The following COL7A1 variants were observed in gnomAD, a reference collection of about 807,000 sequenced individuals.
The protein encoded by COL7A1 is collagen alpha-1(VII) chain.
In COL7A1, 296 loss-of-function variants were observed where a neutral mutation model predicts 456.2. That is an observed-to-expected ratio of 0.65 (90% CI 0.59 to 0.71). The LOEUF (loss-of-function observed/expected upper bound fraction) is 0.71, where lower values mean the gene tolerates loss of function less well. COL7A1 is among the 30% of genes least tolerant of loss of function. The pLI, the probability that COL7A1 is intolerant of heterozygous loss-of-function variation, is 0.00. For synonymous variants in COL7A1, 1,464 were observed against 1,525.9 expected (o/e 0.96, Z 0.95); for missense variants, 3,441 against 4,017.2 (o/e 0.86, Z 3.88).
chr3:48,591,627 C>T lies in COL7A1; in HGVS notation c.1508-35G>A. 6.2e-7 allele frequency: 1 copy of T among 1,613,448 alleles called. No homozygotes were observed. The highest frequency in any genetic ancestry group is 1.1e-5 in the South Asian group (1 of 91,092). On this transcript the variant is annotated intron_variant, in intron 12 of 118. Transcript: ENST00000681320. This position sits in a 1 kb window ranked among gnomAD's most constrained non-coding sequence, Gnocchi z 7.0. ...AGCACAGCATAGAGGCAGCCTGGGG[C>T]TCCGACACCTCCCCCACTCACTGGC...
chr3:48,577,173 G>T (rs964737735), intron 65 of COL7A1, 146 bp from the exon 66 acceptor site: 1 of 1,126,190 alleles, frequency 8.9e-7, no homozygotes, highest in Non-Finnish European at 1.3e-6. Context: ...GCCTGTGGCC[G>T]TCTGAGTGAG....
In COL7A1 at chr3:48,568,219, CAA is replaced by C; in HGVS notation, c.7795-51_7795-50del. On this transcript the variant is annotated intron_variant, in intron 105 of 118. Transcript: ENST00000681320. The surrounding 1 kb of genome is among the most constrained non-coding windows in gnomAD (Gnocchi z 5.2). The stretch of plus-strand genomic sequence containing the variant: ...AGGTCAGAGGAGGTCAGTGAGGGAC[CAA>C]AGAGAATCGCCCTGGATAGTGGGTA... The C allele has an allele frequency of 6.3e-7, 1 of 1,590,498 alleles. No homozygotes were observed. Among genetic ancestry groups the C allele is most frequent in the Non-Finnish European group, 8.6e-7 (1 of 1,164,796 alleles).
rs749222993 is a variant in COL7A1, at chr3:48,590,464, C to A, written c.1901G>T (p.Gly634Val). The A allele has an allele frequency of 6.2e-7, 1 of 1,614,168 alleles. No individual in the cohort carries two copies. The highest frequency in any genetic ancestry group is 8.5e-7 in the Non-Finnish European group (1 of 1,180,030). The change falls in exon 15 of 119, where the codon GGC becomes GTC. Residue 634 changes from glycine (G) to valine (V), a missense_variant. Transcript: ENST00000681320. This position sits in a 1 kb window ranked among gnomAD's most constrained non-coding sequence, Gnocchi z 4.6. ...ASGFRISWST[G>V]SGPESSQTLP... ...CCCACACACCCCACACTGACCACTG[C>A]CTGTGCTCCAGCTAATCCGAAATCC...
At position 48,591,411 on chromosome 3, in the gene COL7A1, T is replaced by C; in HGVS notation, c.1636+53A>G. On this transcript the variant is annotated intron_variant, in intron 13 of 118. Transcript: ENST00000681320. The surrounding 1 kb of genome is among the most constrained non-coding windows in gnomAD (Gnocchi z 7.0). Reference sequence around the variant, plus strand: ...AGGGCTGGAGGTACACTCAGACCCCTCAGGCTGGAACTTCAGTGTGTGTGG... The same window carrying C: ...AGGGCTGGAGGTACACTCAGACCCCCCAGGCTGGAACTTCAGTGTGTGTGG... 1 of 1,606,782 alleles carries C rather than the reference T, an allele frequency of 6.2e-7. No homozygotes were observed. The highest frequency in any genetic ancestry group is 8.5e-7 in the Non-Finnish European group (1 of 1,176,060).
At position 48,592,251 on chromosome 3, in the gene COL7A1, G is replaced by A. The variant is rs749628987; in HGVS notation, c.1094-3C>T. 1 of 1,613,842 alleles carries A rather than the reference G, an allele frequency of 6.2e-7. No homozygotes were observed. The highest frequency in any genetic ancestry group is 1.1e-5 in the South Asian group (1 of 91,074). ...CTCCTGCTGCTGTGTGGGCCCACCT[G>A]CATGGGGGACACCAAGGGGCCAGTG... is the stretch of plus-strand genomic sequence containing the variant. On this transcript the variant is annotated splice_region_variant and splice_polypyrimidine_tract_variant and intron_variant, in intron 9 of 118. Coordinates refer to ENST00000681320, the MANE Select transcript of COL7A1 (RefSeq NM_000094.4). This position sits in a 1 kb window ranked among gnomAD's most constrained non-coding sequence, Gnocchi z 7.6.
Position 48,574,423 on chromosome 3 carries a change from C to A in COL7A1, c.6456+65G>T, listed in dbSNP as rs779726420. ...CCAGGCAGTACAGACCCCAGCCCTGCACACAGGACAATACATGTGAGAGCC... is the reference window on the plus strand; with the variant it reads ...CCAGGCAGTACAGACCCCAGCCCTGAACACAGGACAATACATGTGAGAGCC... On this transcript the variant is annotated intron_variant, in intron 79 of 118. Coordinates refer to ENST00000681320, the MANE Select transcript of COL7A1 (RefSeq NM_000094.4). The surrounding 1 kb of genome is among the most constrained non-coding windows in gnomAD (Gnocchi z 5.0). The A allele has an allele frequency of 6.2e-7, 1 of 1,611,658 alleles. No homozygotes were observed. The highest frequency in any genetic ancestry group is 8.5e-7 in the Non-Finnish European group (1 of 1,177,838).
rs2045943826 is a variant in COL7A1, at chr3:48,594,592, C to T, written c.86-44G>A. On this transcript the variant is annotated intron_variant, in intron 2 of 118. Coordinates refer to ENST00000681320, the MANE Select transcript of COL7A1 (RefSeq NM_000094.4). This position sits in a 1 kb window ranked among gnomAD's most constrained non-coding sequence, Gnocchi z 5.5. ...ATCAGGGCCTCTTCTGGGAGGCCAA[C>T]CACCCGCCTACCCGCACGGTGGCCT... 5 of 1,538,712 alleles carry T rather than the reference C, an allele frequency of 3.2e-6. No individual in the cohort carries two copies. Among genetic ancestry groups the T allele is most frequent in the South Asian group, 1.2e-5 (1 of 84,856 alleles).
chr3:48,582,528 A>C lies in COL7A1; in HGVS notation c.4564-15T>G. On this transcript the variant is annotated splice_polypyrimidine_tract_variant and intron_variant, in intron 45 of 118. Coordinates refer to ENST00000681320, the MANE Select transcript of COL7A1 (RefSeq NM_000094.4). ...CCTGGTGGCCCCTGAATGTAGAGAA[A>C]GTGTGAGCCCAGGAGGGGAAGGGAA... 1 of 1,614,048 alleles carries C rather than the reference A, an allele frequency of 6.2e-7. No individual in the cohort carries two copies. Among genetic ancestry groups the C allele is most frequent in the Non-Finnish European group, 8.5e-7 (1 of 1,180,012 alleles).
At position 48,573,324 on chromosome 3, in the gene COL7A1, G is replaced by A. The variant is rs1489201304; in HGVS notation, c.6643C>T (p.Pro2215Ser). The change falls in exon 84 of 119, where the codon CCA becomes TCA. Residue 2215 changes from proline (P) to serine (S), a missense_variant. Pro to Ser is a moderately conservative substitution (Grantham distance 74). Around this residue, in one of 3 missense-constraint regions of COL7A1, gnomAD observed 2,084 missense variants for 2,501.3 expected, o/e 0.83. Transcript: ENST00000681320. The surrounding 1 kb of genome is among the most constrained non-coding windows in gnomAD (Gnocchi z 5.5). ...TGAGCTAGGCCACTCACCCGTCCTG[G>A]AGGTCCTGTCTCTCCAGGCTCCCCC... ...LKGEPGETGP[P>S]GRGLTGPTGA... 1 of 1,613,984 alleles carries A rather than the reference G, an allele frequency of 6.2e-7. No homozygotes were observed. Among genetic ancestry groups the A allele is most frequent in the Non-Finnish European group, 8.5e-7 (1 of 1,180,016 alleles).
Position 48,580,173 on chromosome 3 carries a change from C to T in COL7A1, c.5098-116G>A. ...CCCCGAAGCACCCCAATGCCAGCCCCCAGCAGGCATGGGTGGCCATCCATG... is the reference window on the plus strand; with the variant it reads ...CCCCGAAGCACCCCAATGCCAGCCCTCAGCAGGCATGGGTGGCCATCCATG... On this transcript the variant is annotated intron_variant, in intron 56 of 118. Coordinates refer to ENST00000681320, the MANE Select transcript of COL7A1 (RefSeq NM_000094.4). This position sits in a 1 kb window ranked among gnomAD's most constrained non-coding sequence, Gnocchi z 4.5. The T allele has an allele frequency of 6.5e-7, 1 of 1,527,378 alleles. No individual in the cohort carries two copies. Among genetic ancestry groups the T allele is most frequent in the Non-Finnish European group, 9.0e-7 (1 of 1,113,242 alleles). The allele number at this position is 1,527,378 out of a possible 1,614,324, so 94.6% of individuals were successfully genotyped here. A position where few individuals can be genotyped will look rare whatever the true frequency, so the allele number is the denominator to read the frequency against.
At position 48,564,457 on chromosome 3, in the gene COL7A1, T is replaced by C; in HGVS notation, c.8819-35A>G. 1 of 1,613,456 alleles carries C rather than the reference T, an allele frequency of 6.2e-7. No homozygotes were observed. The highest frequency in any genetic ancestry group is 8.5e-7 in the Non-Finnish European group (1 of 1,179,690). On this transcript the variant is annotated intron_variant, in intron 118 of 118. Transcript: ENST00000681320. This position sits in a 1 kb window ranked among gnomAD's most constrained non-coding sequence, Gnocchi z 6.0. ...ACAGGTTGGAAACGGTCGTCAGCCA[T>C]CTGACCTTCCCCGGAGACGCTCAGG...
In COL7A1 at chr3:48,574,412, C is replaced by A; in HGVS notation, c.6456+76G>T. ...CCCAGACAGTCCCAGGCAGTACAGA[C>A]CCCAGCCCTGCACACAGGACAATAC... is the stretch of plus-strand genomic sequence containing the variant. On this transcript the variant is annotated intron_variant, in intron 79 of 118. Transcript: ENST00000681320. This position sits in a 1 kb window ranked among gnomAD's most constrained non-coding sequence, Gnocchi z 5.0. 1 of 1,611,722 alleles carries A rather than the reference C, an allele frequency of 6.2e-7. No homozygotes were observed. Among genetic ancestry groups the A allele is most frequent in the South Asian group, 1.1e-5 (1 of 91,010 alleles).
Position 48,575,153 on chromosome 3 carries a change from C to T in COL7A1, c.6217-27G>A. 1 of 1,613,816 alleles carries T rather than the reference C, an allele frequency of 6.2e-7. No individual in the cohort carries two copies. Among genetic ancestry groups the T allele is most frequent in the South Asian group, 1.1e-5 (1 of 91,072 alleles). ...TGCAGGAAACAAGAAAATGGGGTGG[C>T]AGCCCCAGCACAGCCTCCAGACAGC... On this transcript the variant is annotated intron_variant, in intron 75 of 118. Coordinates refer to ENST00000681320, the MANE Select transcript of COL7A1 (RefSeq NM_000094.4). The surrounding 1 kb of genome is among the most constrained non-coding windows in gnomAD (Gnocchi z 6.3).
Position 48,590,927 on chromosome 3 carries a change from G to A in COL7A1, c.1637-111C>T, listed in dbSNP as rs541753654. The A allele has an allele frequency of 2.8e-6, 3 of 1,071,690 alleles. No homozygotes were observed. In the East Asian group the frequency reaches 7.7e-5, roughly 27 times the overall value. 66.4% of individuals were successfully genotyped at this position (1,071,690 alleles called of 1,614,324 possible). ...TGAGAAGGGCCATGGGGGTGGGGAT[G>A]TGGGGTGGTGGGGACCAGAGAGCTG... is the stretch of plus-strand genomic sequence containing the variant. On this transcript the variant is annotated intron_variant, in intron 13 of 118. Coordinates refer to ENST00000681320, the MANE Select transcript of COL7A1 (RefSeq NM_000094.4). The surrounding 1 kb of genome is among the most constrained non-coding windows in gnomAD (Gnocchi z 4.6).
chr3:48,582,061 A>T (rs907072595), intron 47 of COL7A1, 118 bp from the exon 48 acceptor site: 10 of 1,425,956 alleles, frequency 7.0e-6, no homozygotes, highest in South Asian at 2.3e-5. Flanking sequence ...CCCGCCCAGA[A>T]GTCACAGAGT....
Position 48,565,320 on chromosome 3 carries a change from A to T in COL7A1, c.8527+90T>A. The T allele has an allele frequency of 6.7e-7, 1 of 1,502,972 alleles. No homozygotes were observed. The highest frequency in any genetic ancestry group is 9.1e-7 in the Non-Finnish European group (1 of 1,098,378). The allele number at this position is 1,502,972 out of a possible 1,614,324, so 93.1% of individuals were successfully genotyped here. A position where few individuals can be genotyped will look rare whatever the true frequency, so the allele number is the denominator to read the frequency against. ...TGCGTGTGCCCTGCATGCAGACCCT[A>T]CGTGCTTGGCGTGTGCCCTGCATTC... On this transcript the variant is annotated intron_variant, in intron 116 of 118. Coordinates refer to ENST00000681320, the MANE Select transcript of COL7A1 (RefSeq NM_000094.4). The surrounding 1 kb of genome is among the most constrained non-coding windows in gnomAD (Gnocchi z 4.5).
chr3:48,582,576 C>T, intron 45 of COL7A1, 33 bp downstream of exon 45: 1 of 1,613,738 alleles, frequency 6.2e-7, no homozygotes, highest in Non-Finnish European at 8.5e-7. Flanking sequence ...CACAAAAGTC[C>T]CACTCCTGGT....
At position 48,575,779 on chromosome 3, in the gene COL7A1, G is replaced by C. The variant is rs758943922; in HGVS notation, c.5857-31C>G. 34 of 1,614,012 alleles carry C rather than the reference G, an allele frequency of 2.1e-5. No individual in the cohort carries two copies. Among genetic ancestry groups the C allele is most frequent in the Non-Finnish European group, 2.8e-5 (33 of 1,180,006 alleles). ...GGACAGCAAGAGGTCAGAGGAGCGG[G>C]GTGCGTCGCCGCAGCCCCTATGCCT... On this transcript the variant is annotated intron_variant, in intron 72 of 118. Transcript: ENST00000681320. The surrounding 1 kb of genome is among the most constrained non-coding windows in gnomAD (Gnocchi z 6.3).
chr3:48,592,359 A>G lies in COL7A1; in HGVS notation c.1085T>C (p.Val362Ala). Residue 362 changes from valine (V) to alanine (A), a missense_variant, in exon 9 of 119, where the codon GTC becomes GCC. Around this residue, in one of 3 missense-constraint regions of COL7A1, gnomAD observed 913 missense variants for 1,088.2 expected, o/e 0.84. Coordinates refer to ENST00000681320, the MANE Select transcript of COL7A1 (RefSeq NM_000094.4). This position sits in a 1 kb window ranked among gnomAD's most constrained non-coding sequence, Gnocchi z 7.6. The part of the protein sequence containing the change: ...GATGYRVTWR[V>A]LSGGPTQQQE... ...CCACATCTCTCACTCACCACTGAGG[A>G]CCCGCCATGTCACACGGTAGCCAGT... 1 of 1,612,276 alleles carries G rather than the reference A, an allele frequency of 6.2e-7. No individual in the cohort carries two copies. Among genetic ancestry groups the G allele is most frequent in the Non-Finnish European group, 8.5e-7 (1 of 1,179,676 alleles).
Sources: gnomAD v4.1 joint callset for allele counts on GRCh38, gnomAD v4.1.1 for gene constraint, gnomAD v4.1.1 regional missense constraint, Gnocchi (gnomAD v3.1) non-coding constraint, MANE v1.5 for transcripts, NCBI Gene and HGNC (gene_info 2026-07-23, HGNC 2026-07-21) for gene names.